ELP3: variants seen among roughly 807,000 people sequenced by gnomAD.
ELP3 encodes the protein elongator complex protein 3.
Under a neutral mutation model 74.9 loss-of-function variants are expected in ELP3, and 56 were observed. The observed-to-expected ratio is 0.75, with a 90% CI of 0.60 to 0.93. ELP3 has a LOEUF of 0.93. ELP3 is among the 40% of genes least tolerant of loss of function. ELP3 has a pLI of 0.00. For missense variants in ELP3, 573 were observed against 686.5 expected (o/e 0.83, Z 1.85); for synonymous variants, 222 against 239.8 (o/e 0.93, Z 0.68).
chr8:28,164,973 G>A (rs924362746), intron 14 of ELP3, among the ~76,000 whole-genome samples: 75 of 151,992 alleles, frequency 4.9e-4, no homozygotes, highest in African/African-American at 1.6e-3. Context: ...CTTTATGACC[G>A]TGCTGGTGTC....
Position 28,110,454 on chromosome 8 carries a change from A to C in ELP3, c.462+16A>C. On this transcript the variant is annotated intron_variant, in intron 6 of 14. Transcript: ENST00000256398. ...AATAGAACAGGTACATTTTTAAAAA[A>C]CATGTTTCTTAAAAATTAGGTGTTT... 6.3e-7 allele frequency: 1 copy of C among 1,597,672 alleles called. No homozygotes were observed. Among genetic ancestry groups the C allele is most frequent in the East Asian group, 2.2e-5 (1 of 44,736 alleles).
chr8:28,094,103 T>C (rs1358550219), intron 1 of ELP3, among the ~76,000 whole-genome samples: 1 of 152,248 alleles, frequency 6.6e-6, no homozygotes, highest in Non-Finnish European at 1.5e-5. Context: ...AGTGTCCAAG[T>C]TACCTTAGAT....
At chr8:28,134,400 A>C (rs993199035) in intron 9 of ELP3, among the ~76,000 whole-genome samples, 1 of 152,206 alleles carries the variant, frequency 6.6e-6, no homozygotes, top group Non-Finnish European at 1.5e-5. Context: ...TAGTCTTTGC[A>C]GGGAAACTCA....
At chr8:28,152,793 G>A (rs1002549056) in intron 10 of ELP3, among the ~76,000 whole-genome samples, 5 of 152,142 alleles carry the variant, frequency 3.3e-5, no homozygotes, top group African/African-American at 9.7e-5. Context: ...GTGACAGAGC[G>A]AGACTCCATC....
At chr8:28,109,618 T>C (rs1811833676) in intron 5 of ELP3, among the ~76,000 whole-genome samples, 1 of 152,208 alleles carries the variant, frequency 6.6e-6, no homozygotes, top group Non-Finnish European at 1.5e-5. Context: ...TGAGAAATCT[T>C]GAGAGTGGAA....
chr8:28,164,322 A>G (rs745439353), intron 14 of ELP3, among the ~76,000 whole-genome samples: 2 of 152,116 alleles, frequency 1.3e-5, no homozygotes, highest in Non-Finnish European at 2.9e-5. Context: ...CTAGCTTTTT[A>G]TCATAATCTA....
chr8:28,185,334 G>A (rs1241820579), intron 14 of ELP3, among the ~76,000 whole-genome samples: 1 of 152,068 alleles, frequency 6.6e-6, no homozygotes, highest in Non-Finnish European at 1.5e-5. Flanking sequence ...ACCCAACATA[G>A]AGCCAATTTT....
intron 7 of ELP3, 37 bp downstream of exon 7, chr8:28,113,210 G>C: frequency 6.3e-7 from 1 of 1,585,598 alleles, no homozygotes; most frequent in Non-Finnish European, 8.6e-7. Context: ...CTCCAGAGTG[G>C]TTGTCAGTTT....
At chr8:28,108,027 T>A in intron 5 of ELP3, 51 bp downstream of exon 5, 1 of 1,493,806 alleles carries the variant, frequency 6.7e-7, no homozygotes, top group Non-Finnish European at 9.3e-7. Context: ...ATGCTTTACC[T>A]GTAGTATGGT....
At chr8:28,155,725 A>T (rs1451035770) in intron 10 of ELP3, among the ~76,000 whole-genome samples, 1 of 152,216 alleles carries the variant, frequency 6.6e-6, no homozygotes, top group Admixed American at 6.5e-5. Context: ...TTTCACAGAA[A>T]CCCTGAAGGT....
At position 28,129,250 on chromosome 8, in the gene ELP3, A is replaced by G. The variant is rs141387388; in HGVS notation, c.618-252A>G. The G allele has an allele frequency of 3.6e-4, 136 of 381,056 alleles. No homozygotes were observed. The East Asian group carries it at 3.6e-3, about 10-fold the overall frequency. 23.6% of individuals were successfully genotyped at this position (381,056 alleles called of 1,614,324 possible). A position where few individuals can be genotyped will look rare whatever the true frequency, so the allele number is the denominator to read the frequency against. Reference sequence around the variant, plus strand: ...TTACTATGCTAGCTCAGTCACGTCAATCTTATGAGGTGTAGATAGTGTATT... The same window carrying G: ...TTACTATGCTAGCTCAGTCACGTCAGTCTTATGAGGTGTAGATAGTGTATT... On this transcript the variant is annotated intron_variant, in intron 7 of 14. Transcript: ENST00000256398.
chr8:28,131,093 T>C (rs1443938487), intron 8 of ELP3, among the ~76,000 whole-genome samples: 1 of 152,098 alleles, frequency 6.6e-6, no homozygotes, highest in African/African-American at 2.4e-5. Flanking sequence ...GTTACAGAAA[T>C]TAAGCAGGAA....
chr8:28,116,462 G>A (rs750336963), intron 7 of ELP3, among the ~76,000 whole-genome samples: 10 of 152,208 alleles, frequency 6.6e-5, no homozygotes, highest in South Asian at 2.1e-4. Flanking sequence ...TCAAGAGGCC[G>A]GGCGTAGTGG....
At chr8:28,139,330 A>T (rs1316859759) in intron 10 of ELP3, among the ~76,000 whole-genome samples, 2 of 152,162 alleles carry the variant, frequency 1.3e-5, no homozygotes, top group East Asian at 1.9e-4. Flanking sequence ...TCAATTACAA[A>T]AGTTGAAAAA....
chr8:28,136,654 G>A lies in ELP3; in HGVS notation c.907-1044G>A, dbSNP rs1246746818. Among the ~76,000 whole-genome samples the A allele has an allele frequency of 2.6e-5, 4 of 152,298 alleles. No individual in the cohort carries two copies. The East Asian group carries it at 7.7e-4, about 29-fold the overall frequency. ...TCAATGAGAGATGGAAAAGTCTATT[G>A]TTATATTTCTTTGTAAAGCAAGTTA... On this transcript the variant is annotated intron_variant, in intron 9 of 14. Transcript: ENST00000256398.
chr8:28,099,524 G>T (rs1480870305), intron 2 of ELP3, among the ~76,000 whole-genome samples: 1 of 152,204 alleles, frequency 6.6e-6, no homozygotes, highest in African/African-American at 2.4e-5. Context: ...GGTGGAGTCA[G>T]AATAGTCCTT....
intron 14 of ELP3, among the ~76,000 whole-genome samples, chr8:28,183,634 A>G (rs1815110687): frequency 6.6e-6 from 1 of 152,166 alleles, no homozygotes; most frequent in South Asian, 2.1e-4. Context: ...CATGTTGCCC[A>G]GGCTGGTCTC....
In ELP3 at chr8:28,175,831, T is replaced by TG. The variant is rs35337552; in HGVS notation, c.1567+13757dup. On this transcript the variant is annotated intron_variant, in intron 14 of 14. Coordinates refer to ENST00000256398, the MANE Select transcript of ELP3 (RefSeq NM_018091.6). ...GTGACTTTTTTTTTTTTTTTTTTTT[T>TG]GGGGAGTCAGTCTTGCTCTGTTACC... Among the ~76,000 whole-genome samples the TG allele has an allele frequency of 2.9e-3, 437 of 148,444 alleles. 7 individuals are homozygous for TG. The South Asian group carries it at 0.034, about 11-fold the overall frequency.
chr8:28,173,370 T>C (rs1263228272), intron 14 of ELP3, among the ~76,000 whole-genome samples: 1 of 151,960 alleles, frequency 6.6e-6, no homozygotes, highest in Non-Finnish European at 1.5e-5. Context: ...TTCATCTAGG[T>C]TATCTAACAT....
Sources: gnomAD v4.1 joint callset for allele counts (sites outside exome capture counted in the v4.1 genomes callset) on GRCh38, gnomAD v4.1.1 for gene constraint, MANE v1.5 for transcripts, NCBI Gene and HGNC (gene_info 2026-07-23, HGNC 2026-07-21) for gene names.